The following POLD3 variants were observed in gnomAD, a reference collection of about 807,000 sequenced individuals.
The protein encoded by POLD3 is DNA polymerase delta 3, accessory subunit.
A neutral mutation model predicts 58.2 loss-of-function variants in POLD3; 19 were observed. The observed-to-expected ratio is 0.33, with a 90% CI of 0.23 to 0.48. The LOEUF (loss-of-function observed/expected upper bound fraction) is 0.48. POLD3 is among the 20% of genes least tolerant of loss of function. The pLI, the probability that POLD3 is intolerant of heterozygous loss-of-function variation, is 0.99. For synonymous variants in POLD3, 172 were observed against 193.5 expected (o/e 0.89, Z 0.92); for missense variants, 504 against 545.5 (o/e 0.92, Z 0.76).
intron 3 of POLD3, among the ~76,000 whole-genome samples, chr11:74,608,497 A>T (rs569332047): frequency 6.6e-6 from 1 of 152,250 alleles, no homozygotes; most frequent in African/African-American, 2.4e-5. Context: ...TGTTATGCTA[A>T]GAACAGAGGG....
At chr11:74,596,030 A>AT (rs55653832) in intron 2 of POLD3, among the ~76,000 whole-genome samples, 12 of 133,856 alleles carry the variant, frequency 9.0e-5, no homozygotes, top group East Asian at 8.5e-4. Flanking sequence ...TTTTAATCTT[A>AT]TTTTTTTTTT....
intron 7 of POLD3, 22 bp downstream of exon 7, chr11:74,620,111 T>A: frequency 6.6e-7 from 1 of 1,526,232 alleles, no homozygotes; most frequent in Non-Finnish European, 9.1e-7. Flanking sequence ...CTTACCTCAC[T>A]TTGACTAACG....
At chr11:74,611,372 C>T (rs1439434195) in intron 3 of POLD3, 127 bp from the exon 4 acceptor site, 1 of 615,316 alleles carries the variant, frequency 1.6e-6, no homozygotes, top group Non-Finnish European at 2.9e-6. Flanking sequence ...TAAATTATAA[C>T]ATATGTTTTA....
chr11:74,622,030 C>G (rs2032279391), intron 7 of POLD3, among the ~76,000 whole-genome samples: 1 of 149,952 alleles, frequency 6.7e-6, no homozygotes, highest in Non-Finnish European at 1.5e-5. Flanking sequence ...CTCCCCCCAC[C>G]CCACAACAGT....
At chr11:74,600,186 C>T (rs1346604695) in intron 2 of POLD3, among the ~76,000 whole-genome samples, 14 of 151,858 alleles carry the variant, frequency 9.2e-5, no homozygotes, top group Admixed American at 7.9e-4. Context: ...CCTCGTGATC[C>T]GCCTGCCTCG....
intron 2 of POLD3, among the ~76,000 whole-genome samples, chr11:74,600,595 A>G (rs970375457): frequency 6.6e-6 from 1 of 151,658 alleles, no homozygotes; most frequent in Non-Finnish European, 1.5e-5. Flanking sequence ...AGATCGCGCC[A>G]CTGCACTCCA....
intron 8 of POLD3, 161 bp from the exon 9 acceptor site, chr11:74,629,056 G>T: frequency 3.9e-6 from 2 of 507,734 alleles, no homozygotes; most frequent in East Asian, 3.3e-5. Context: ...TGGTCAGTTA[G>T]CAGAGTATCC....
chr11:74,618,295 A>G (rs2032141762), intron 5 of POLD3, among the ~76,000 whole-genome samples: 1 of 152,196 alleles, frequency 6.6e-6, no homozygotes, highest in Non-Finnish European at 1.5e-5. Context: ...ATTACTAACT[A>G]GATGTATAAC....
At chr11:74,629,002 C>T (rs1288350951) in intron 8 of POLD3, 1 of 378,370 alleles carries the variant, frequency 2.6e-6, no homozygotes, top group Non-Finnish European at 4.7e-6. Flanking sequence ...CTAGAGAACT[C>T]TAGAACTTTT....
chr11:74,601,948 T>C (rs558051309), intron 2 of POLD3, among the ~76,000 whole-genome samples: 32 of 152,150 alleles, frequency 2.1e-4, no homozygotes, highest in Non-Finnish European at 4.3e-4. Context: ...TAAAGAGAAT[T>C]GTAGAATGTT....
chr11:74,596,394 C>T (rs2031259521), intron 2 of POLD3, among the ~76,000 whole-genome samples: 1 of 152,062 alleles, frequency 6.6e-6, no homozygotes, highest in Non-Finnish European at 1.5e-5. Context: ...CCATGCTGGC[C>T]AGGCTGGTCT....
At chr11:74,655,526 T>C (rs2033122945) in intron 4 of POLD3, among the ~76,000 whole-genome samples, 1 of 152,172 alleles carries the variant, frequency 6.6e-6, no homozygotes, top group Non-Finnish European at 1.5e-5. Context: ...TTGAAAAACT[T>C]TATCAATCAA....
intron 4 of POLD3, among the ~76,000 whole-genome samples, chr11:74,661,521 C>G (rs2033206822): frequency 1.3e-5 from 2 of 152,332 alleles, no homozygotes; most frequent in African/African-American, 4.8e-5. Context: ...GACTCTTGTT[C>G]TCTTCCCTTA....
chr11:74,646,392 G>T (rs1893362), downstream of POLD3, among the ~76,000 whole-genome samples: 109 of 152,268 alleles, frequency 7.2e-4, 1 homozygote, highest in East Asian at 6.8e-3. Flanking sequence ...CATCTTCTCT[G>T]CAGCATCCCT....
chr11:74,638,569 T>A (rs1486966398), intron 11 of POLD3: 1 of 453,002 alleles, frequency 2.2e-6, no homozygotes, highest in East Asian at 7.0e-5. Context: ...TTTAAGATAT[T>A]GAATAAATAA....
In POLD3 at chr11:74,629,259, T is replaced by G. The variant is rs573979438; in HGVS notation, c.942T>G (p.Thr314=). 1 of 1,608,610 alleles carries G rather than the reference T, an allele frequency of 6.2e-7. No individual in the cohort carries two copies. Among genetic ancestry groups the G allele is most frequent in the South Asian group, 1.1e-5 (1 of 90,764 alleles). The change falls in exon 9 of 12, where the codon ACT becomes ACG. Residue 314 remains threonine (T), a synonymous_variant. Transcript: ENST00000263681. ...TATCTGATGATGAGACAAAGGAAAC[T>G]GAAAACATGAGGAAAAAGAGGAGAA... ...VALSDDETKE[T]ENMRKKRRRI...
At chr11:74,653,507 G>A (rs151035162) in intron 4 of POLD3, among the ~76,000 whole-genome samples, 3,688 of 152,128 alleles carry the variant, frequency 0.024, 62 homozygotes, top group Non-Finnish European at 0.034. Context: ...TTAAATATGC[G>A]TATTGTAAAC....
At chr11:74,599,346 T>G (rs1279663494) in intron 2 of POLD3, among the ~76,000 whole-genome samples, 1 of 149,860 alleles carries the variant, frequency 6.7e-6, no homozygotes, top group East Asian at 2.0e-4. Flanking sequence ...TATAGTATTT[T>G]CACAAACATT....
intron 4 of POLD3, among the ~76,000 whole-genome samples, chr11:74,667,368 T>C (rs1321689023): frequency 1.3e-5 from 2 of 152,170 alleles, no homozygotes; most frequent in East Asian, 3.9e-4. Flanking sequence ...ACCCCGTCTC[T>C]ACTAAAAATA....
Sources: gnomAD v4.1 joint callset for allele counts (sites outside exome capture counted in the v4.1 genomes callset) on GRCh38, gnomAD v4.1.1 for gene constraint, MANE v1.5 for transcripts, NCBI Gene and HGNC (gene_info 2026-07-23, HGNC 2026-07-21) for gene names.